Variants in RBM26 observed in about 807,000 individuals in gnomAD.
RBM26 encodes RNA binding motif protein 26.
A neutral mutation model predicts 123.6 loss-of-function variants in RBM26; 30 were observed. The ratio of observed to expected loss-of-function variants is 0.24; its 90% CI spans 0.18 to 0.33. The LOEUF (loss-of-function observed/expected upper bound fraction) is 0.33. Ranked by LOEUF, RBM26 falls within the 10% of genes least tolerant of loss-of-function variation. RBM26 has a pLI of 1.00. For synonymous variants in RBM26, 400 were observed against 404.4 expected (o/e 0.99, Z 0.13); for missense variants, 947 against 1,203.6 (o/e 0.79, Z 3.15).
rs2073494511 is a variant in RBM26 at position 79,353,143 on chromosome 13, T to C, written c.2058+10A>G. The C allele has an allele frequency of 6.4e-7, 1 of 1,555,288 alleles. No homozygotes were observed. The highest frequency in any genetic ancestry group is 8.8e-7 in the Non-Finnish European group (1 of 1,140,798). ...AAGCCAAGACAAACACATCATGCTATTCTTCTTACCTTTTCAGTTGCTGAA... is the reference window on the plus strand; with the variant it reads ...AAGCCAAGACAAACACATCATGCTACTCTTCTTACCTTTTCAGTTGCTGAA... On this transcript the variant is annotated intron_variant, in intron 14 of 21. Coordinates refer to ENST00000438737, the MANE Select transcript of RBM26 (RefSeq NM_001366735.2).
intron 1 of RBM26, among the ~76,000 whole-genome samples, chr13:79,382,372 C>T (rs2077131685): frequency 6.6e-6 from 1 of 152,082 alleles, no homozygotes; most frequent in African/African-American, 2.4e-5. Flanking sequence ...CTGCTATATA[C>T]TGCTAGCATC....
chr13:79,374,430 T>C (rs544825725), intron 3 of RBM26, among the ~76,000 whole-genome samples: 2 of 152,116 alleles, frequency 1.3e-5, no homozygotes, highest in South Asian at 2.1e-4. Context: ...GAGGTTGCAG[T>C]GAGCCACTAT....
rs754474178 is a variant in RBM26 at position 79,337,114 on chromosome 13, A to G, written c.2721T>C (p.Leu907=). ...AFTESDREDL[L]PHFAQYGEIE... The stretch of plus-strand genomic sequence containing the variant: ...AGTAAGAAAGTACCGCAAAATGAGG[A>G]AGAAGATCTTCTCTATCGCTCTCCG... The change falls in exon 19 of 22, where the codon CTT becomes CTC. Residue 907 remains leucine, a synonymous_variant. Coordinates refer to ENST00000438737, the MANE Select transcript of RBM26 (RefSeq NM_001366735.2). The G allele has an allele frequency of 6.2e-7, 1 of 1,613,846 alleles. No homozygotes were observed.
chr13:79,323,639 C>G (rs1351581509), intron 20 of RBM26, among the ~76,000 whole-genome samples: 1 of 151,506 alleles, frequency 6.6e-6, no homozygotes, highest in Non-Finnish European at 1.5e-5. Context: ...AAAAAATTCA[C>G]CTAAAAAGCA....
chr13:79,392,309 C>T (rs558679017), intron 1 of RBM26, among the ~76,000 whole-genome samples: 85 of 135,106 alleles, frequency 6.3e-4, no homozygotes, highest in South Asian at 2.1e-3. Context: ...AATTGTATAA[C>T]GGTAATATAT....
intron 10 of RBM26, among the ~76,000 whole-genome samples, chr13:79,358,980 G>A (rs1026959866): frequency 6.6e-6 from 1 of 152,166 alleles, no homozygotes; most frequent in Non-Finnish European, 1.5e-5. Flanking sequence ...TTAAATCACA[G>A]AATTAATCAC....
At position 79,405,730 on chromosome 13, in the gene RBM26, G is replaced by C; in HGVS notation, c.45C>G (p.Ser15=). ...MIIENFEALK[S]WLSKTLEPIC... Reference sequence around the variant, plus strand: ...TGGGCTCGAGAGTCTTGCTGAGCCAGGACTTGAGTGCCTCGAAGTTTTCAA... The same window carrying C: ...TGGGCTCGAGAGTCTTGCTGAGCCACGACTTGAGTGCCTCGAAGTTTTCAA... The change falls in exon 1 of 22, where the codon TCC becomes TCG. Residue 15 remains serine (S), a synonymous_variant. Coordinates refer to ENST00000438737, the MANE Select transcript of RBM26 (RefSeq NM_001366735.2). The C allele has an allele frequency of 6.2e-7, 1 of 1,600,132 alleles. No homozygotes were observed. Among genetic ancestry groups the C allele is most frequent in the Non-Finnish European group, 8.5e-7 (1 of 1,172,778 alleles).
chr13:79,361,536 G>A (rs2074683516), intron 9 of RBM26, among the ~76,000 whole-genome samples: 1 of 152,026 alleles, frequency 6.6e-6, no homozygotes, highest in Non-Finnish European at 1.5e-5. Flanking sequence ...CACTTTACTT[G>A]CTCGTGCTAA....
chr13:79,334,447 A>T lies in RBM26; in HGVS notation c.2734-17T>A. 1 of 1,366,976 alleles carries T rather than the reference A, an allele frequency of 7.3e-7. No individual in the cohort carries two copies. Among genetic ancestry groups the T allele is most frequent in the Non-Finnish European group, 1.0e-6 (1 of 990,362 alleles). The allele number at this position is 1,366,976 out of a possible 1,614,324, so 84.7% of individuals were successfully genotyped here. A position where few individuals can be genotyped will look rare whatever the true frequency, so the allele number is the denominator to read the frequency against. On this transcript the variant is annotated splice_polypyrimidine_tract_variant and intron_variant, in intron 19 of 21. Coordinates refer to ENST00000438737, the MANE Select transcript of RBM26 (RefSeq NM_001366735.2). ...ACCATATTGCTTTAAATTAAAAAAA[A>T]AGTATTTCCTCCAAATAAATATTTT...
At chr13:79,392,520 A>G (rs1377275782) in intron 1 of RBM26, among the ~76,000 whole-genome samples, 1 of 146,636 alleles carries the variant, frequency 6.8e-6, no homozygotes, top group Non-Finnish European at 1.5e-5. Flanking sequence ...TAGTTATATA[A>G]TTATATGTTA....
chr13:79,359,754 C>T (rs565609443), intron 9 of RBM26, 68 bp from the exon 10 acceptor site: 1 of 611,600 alleles, frequency 1.6e-6, no homozygotes, highest in Admixed American at 3.3e-5. Context: ...TCATAGATAC[C>T]TTCCTCATAC....
intron 12 of RBM26, among the ~76,000 whole-genome samples, 163 bp downstream of exon 12, chr13:79,355,057 A>G (rs2073811086): frequency 6.6e-6 from 1 of 152,228 alleles, no homozygotes; most frequent in Non-Finnish European, 1.5e-5. Flanking sequence ...AGAACAGGTT[A>G]GAAAGGTTGA....
At chr13:79,402,029 A>AT (rs1179923970) in intron 1 of RBM26, among the ~76,000 whole-genome samples, 1 of 151,878 alleles carries the variant, frequency 6.6e-6, no homozygotes, top group African/African-American at 2.4e-5. Context: ...CTTCAGGAAA[A>AT]AAAAAAAAAC....
chr13:79,366,265 A>C, intron 7 of RBM26, 70 bp from the exon 8 acceptor site: 3 of 1,472,330 alleles, frequency 2.0e-6, no homozygotes, highest in Admixed American at 4.0e-5. Context: ...GCACATCCGA[A>C]CATAATCTTC....
At chr13:79,386,188 G>A (rs2077462001) in intron 1 of RBM26, among the ~76,000 whole-genome samples, 1 of 151,570 alleles carries the variant, frequency 6.6e-6, no homozygotes, top group African/African-American at 2.4e-5. Context: ...AAATACCTTT[G>A]TTTGGCTTAA....
At chr13:79,388,128 C>G (rs952977869) in intron 1 of RBM26, among the ~76,000 whole-genome samples, 12 of 152,184 alleles carry the variant, frequency 7.9e-5, no homozygotes, top group Non-Finnish European at 1.8e-4. Flanking sequence ...CTAATCAAAC[C>G]TCTACATGCC....
chr13:79,388,815 A>C (rs1406173356), intron 1 of RBM26, among the ~76,000 whole-genome samples: 1 of 152,234 alleles, frequency 6.6e-6, no homozygotes, highest in Non-Finnish European at 1.5e-5. Flanking sequence ...AGCACTTGAG[A>C]TCATTAAAGA....
chr13:79,355,520 A>G (rs952889163), intron 11 of RBM26, 136 bp from the exon 12 acceptor site: 27 of 639,948 alleles, frequency 4.2e-5, no homozygotes, highest in African/African-American at 2.9e-4. Context: ...CTGGATTAGT[A>G]GACCACAGTC....
chr13:79,335,080 A>G (rs1372701369), intron 19 of RBM26, among the ~76,000 whole-genome samples: 1 of 152,106 alleles, frequency 6.6e-6, no homozygotes, highest in Non-Finnish European at 1.5e-5. Flanking sequence ...TTCTACAAAC[A>G]GCAACCTTTA....
Sources: gnomAD v4.1 joint callset for allele counts (sites outside exome capture counted in the v4.1 genomes callset) on GRCh38, gnomAD v4.1.1 for gene constraint, MANE v1.5 for transcripts, NCBI Gene and HGNC (gene_info 2026-07-23, HGNC 2026-07-21) for gene names.